Variants in PARN observed in about 807,000 individuals in gnomAD.
The protein encoded by PARN is poly(A)-specific ribonuclease.
In PARN, 71 loss-of-function variants were observed where a neutral mutation model predicts 102.8. That is an observed-to-expected ratio of 0.69 (90% CI 0.57 to 0.84). The LOEUF (loss-of-function observed/expected upper bound fraction) is 0.84. Ranked by LOEUF, PARN falls within the 40% of genes least tolerant of loss-of-function variation. The pLI is 0.00. For synonymous variants in PARN, 261 were observed against 252.9 expected (o/e 1.03, Z -0.30); for missense variants, 782 against 760.9 (o/e 1.03, Z -0.33).
At chr16:14,516,615 T>C (rs539968808) in intron 21 of PARN, among the ~76,000 whole-genome samples, 3 of 152,348 alleles carry the variant, frequency 2.0e-5, no homozygotes, top group South Asian at 4.1e-4. Context: ...GGTTCTTTCA[T>C]ATATAATTTT....
At chr16:14,486,189 C>CCA (rs919706006) in intron 21 of PARN, among the ~76,000 whole-genome samples, 11 of 151,952 alleles carry the variant, frequency 7.2e-5, no homozygotes, top group African/African-American at 2.2e-4. Context: ...ACCCCATTCT[C>CCA]CACACACACA....
chr16:14,451,464 T>C (rs1204086301), intron 22 of PARN, among the ~76,000 whole-genome samples: 1 of 151,990 alleles, frequency 6.6e-6, no homozygotes, highest in Non-Finnish European at 1.5e-5. Context: ...AAAAAATGAA[T>C]TACTGTTACC....
chr16:14,507,027 A>G (rs1399424968), intron 21 of PARN, among the ~76,000 whole-genome samples: 1 of 152,182 alleles, frequency 6.6e-6, no homozygotes, highest in Non-Finnish European at 1.5e-5. Context: ...GTGATCTGAC[A>G]ATCTATAAGA....
At chr16:14,438,455 T>C (rs1340837183) in intron 23 of PARN, among the ~76,000 whole-genome samples, 1 of 131,722 alleles carries the variant, frequency 7.6e-6, no homozygotes, top group Non-Finnish European at 1.6e-5. Context: ...GGGGGGGGTG[T>C]GTGAGTGCAC....
Position 14,572,609 on chromosome 16 carries a change from T to C in PARN, c.1262+8265A>G, listed in dbSNP as rs560277127. Among the ~76,000 whole-genome samples the C allele has an allele frequency of 3.3e-5, 5 of 152,314 alleles. No homozygotes were observed. In the East Asian group the frequency reaches 7.7e-4, roughly 24 times the overall value. Reference sequence around the variant, plus strand: ...CAACCCTCCATACACTGCTGCGTTATATTCATTTCAAAAACAAAACTTTAA... The same window carrying C: ...CAACCCTCCATACACTGCTGCGTTACATTCATTTCAAAAACAAAACTTTAA... On this transcript the variant is annotated intron_variant, in intron 18 of 23. Coordinates refer to ENST00000437198, the MANE Select transcript of PARN (RefSeq NM_002582.4).
intron 21 of PARN, among the ~76,000 whole-genome samples, chr16:14,527,450 A>G (rs565055043): frequency 1.2e-4 from 19 of 152,334 alleles, no homozygotes; most frequent in African/African-American, 4.1e-4. Flanking sequence ...GCCAATCAAG[A>G]TTTTTAAACA....
At chr16:14,521,554 T>G (rs1965730360) in intron 21 of PARN, among the ~76,000 whole-genome samples, 1 of 152,168 alleles carries the variant, frequency 6.6e-6, no homozygotes, top group Non-Finnish European at 1.5e-5. Flanking sequence ...ATCCCAGCAC[T>G]TTGGGAGGCT....
chr16:14,508,374 T>TA (rs1965004800), intron 21 of PARN, among the ~76,000 whole-genome samples: 2 of 151,868 alleles, frequency 1.3e-5, no homozygotes, highest in East Asian at 3.9e-4. Context: ...CTCTACACCA[T>TA]AAAAAATAAT....
intron 22 of PARN, among the ~76,000 whole-genome samples, chr16:14,453,507 T>A (rs1961556101): frequency 6.6e-6 from 1 of 152,220 alleles, no homozygotes; most frequent in African/African-American, 2.4e-5. Flanking sequence ...TTGGTTAACT[T>A]TGGGAATTGC....
intron 10 of PARN, among the ~76,000 whole-genome samples, chr16:14,605,291 C>T (rs1028057077): frequency 8.5e-5 from 13 of 152,132 alleles, no homozygotes; most frequent in African/African-American, 3.1e-4. Flanking sequence ...CTTTGAAATG[C>T]CAACATAAGT....
At chr16:14,601,983 T>G in intron 11 of PARN, 1 of 148,720 alleles carries the variant, frequency 6.7e-6, no homozygotes, top group East Asian at 2.1e-4. Context: ...CAGGCTGGAG[T>G]GCAGTGGCGT....
intron 22 of PARN, among the ~76,000 whole-genome samples, chr16:14,480,131 G>A (rs983409864): frequency 7.3e-5 from 11 of 151,630 alleles, no homozygotes; most frequent in Admixed American, 3.3e-4. Context: ...CCAGGAGTTC[G>A]AGGCCAGCCT....
At chr16:14,616,837 G>C (rs1278550450) in intron 6 of PARN, among the ~76,000 whole-genome samples, 1 of 152,094 alleles carries the variant, frequency 6.6e-6, no homozygotes, top group African/African-American at 2.4e-5. Flanking sequence ...AGCTGGAAAA[G>C]AGGGTTTTCA....
At chr16:14,609,599 C>A (rs1971395214) in intron 7 of PARN, among the ~76,000 whole-genome samples, 2 of 152,166 alleles carry the variant, frequency 1.3e-5, no homozygotes, top group South Asian at 4.1e-4. Flanking sequence ...AATAAAAAAG[C>A]TTTATTTGGC....
rs749005313 is a variant in PARN, at chr16:14,521,939, A to T, written c.1480+30082T>A. On this transcript the variant is annotated intron_variant, in intron 21 of 23. Coordinates refer to ENST00000437198, the MANE Select transcript of PARN (RefSeq NM_002582.4). ...GATATACAAATACCATTGTATTACA[A>T]CTGCCTACTGTATTCAGTACAGTAA... 1.1e-3 allele frequency among the ~76,000 whole-genome samples: 171 copies of T among 152,330 alleles called. 1 individual carries two copies. The highest frequency in any genetic ancestry group is 1.9e-3 in the Non-Finnish European group (126 of 68,024).
intron 21 of PARN, among the ~76,000 whole-genome samples, chr16:14,489,547 G>A (rs748953940): frequency 7.9e-5 from 12 of 151,452 alleles, no homozygotes; most frequent in Non-Finnish European, 1.8e-4. Flanking sequence ...GTCTCTTTAA[G>A]ATTAGCTCAA....
chr16:14,522,381 TAAGAG>T (rs1226862718), intron 21 of PARN, among the ~76,000 whole-genome samples: 1 of 152,014 alleles, frequency 6.6e-6, no homozygotes, highest in Non-Finnish European at 1.5e-5. Context: ...GTGTCAGAAA[TAAGAG>T]AGAAAAGAGC....
chr16:14,518,354 A>C (rs1221992633), intron 21 of PARN, among the ~76,000 whole-genome samples: 2 of 151,406 alleles, frequency 1.3e-5, no homozygotes, highest in African/African-American at 4.8e-5. Flanking sequence ...ATACATATGT[A>C]ATATGAAACA....
At chr16:14,438,874 G>A (rs1446538660) in intron 23 of PARN, among the ~76,000 whole-genome samples, 1 of 152,150 alleles carries the variant, frequency 6.6e-6, no homozygotes, top group Non-Finnish European at 1.5e-5. Flanking sequence ...CGGACCAGAG[G>A]GGAAATGAAG....
Sources: allele counts gnomAD v4.1 joint callset (sites outside exome capture counted in the v4.1 genomes callset), GRCh38; gene constraint gnomAD v4.1.1; transcripts MANE v1.5; gene names NCBI Gene and HGNC (gene_info 2026-07-23, HGNC 2026-07-21).